Variants in ADAMTSL1 observed in about 807,000 individuals in gnomAD.
ADAMTSL1 encodes ADAMTS like 1, also known as ADAMTS-like protein 1.
A neutral mutation model predicts 201.8 loss-of-function variants in ADAMTSL1; 126 were observed. The ratio of observed to expected loss-of-function variants is 0.62; its 90% confidence interval spans 0.54 to 0.72. ADAMTSL1 has a LOEUF of 0.72. ADAMTSL1 is among the 30% of genes least tolerant of loss of function. The probability of loss-of-function intolerance (pLI) is 0.00; values close to 1 mark genes in which losing one functional copy is unlikely to be tolerated. For missense variants in ADAMTSL1, 2,679 were observed against 2,277.8 expected (o/e 1.18, Z -3.59); for synonymous variants, 1,121 against 903.4 (o/e 1.24, Z -4.32).
intron 13 of ADAMTSL1, among the ~76,000 whole-genome samples, chr9:18,691,472 C>A (rs894590064): frequency 1.3e-5 from 2 of 152,118 alleles, no homozygotes; most frequent in African/African-American, 4.8e-5. Flanking sequence ...ATGTGTACCT[C>A]AGTTATTCCT....
chr9:18,897,342 G>A (rs1829707633), intron 26 of ADAMTSL1, among the ~76,000 whole-genome samples: 1 of 152,154 alleles, frequency 6.6e-6, no homozygotes, highest in South Asian at 2.1e-4. Flanking sequence ...CCACAACACA[G>A]CACAGCTGTT....
chr9:18,347,597 G>A (rs1835781779), intron 2 of ADAMTSL1, among the ~76,000 whole-genome samples: 1 of 152,156 alleles, frequency 6.6e-6, no homozygotes, highest in African/African-American at 2.4e-5. Flanking sequence ...AATCAGCACA[G>A]CTGTCATCAT....
At chr9:18,209,088 CTG>C (rs139149470) in intron 2 of ADAMTSL1, among the ~76,000 whole-genome samples, 3 of 151,848 alleles carry the variant, frequency 2.0e-5, no homozygotes, top group Admixed American at 6.6e-5. Flanking sequence ...AGATATGTGT[CTG>C]TGTGTGTGTG....
chr9:18,033,635 A>G (rs150984517), intron 1 of ADAMTSL1, among the ~76,000 whole-genome samples: 78 of 152,308 alleles, frequency 5.1e-4, no homozygotes, highest in African/African-American at 1.3e-3. Flanking sequence ...AATGGAAACA[A>G]TCTCTCAACT....
At chr9:18,905,731 C>T in intron 26 of ADAMTSL1, 51 bp from the exon 27 acceptor site, 7 of 1,490,330 alleles carry the variant, frequency 4.7e-6, no homozygotes, top group Non-Finnish European at 6.5e-6. Context: ...ACGGCGGCCT[C>T]CACCCTTGAC....
chr9:18,572,479 T>C (rs1822395320), intron 3 of ADAMTSL1, among the ~76,000 whole-genome samples: 1 of 152,238 alleles, frequency 6.6e-6, no homozygotes, highest in Non-Finnish European at 1.5e-5. Context: ...CCTGTGTATC[T>C]GTACCTATGT....
At chr9:18,226,188 A>G (rs1830430009) in intron 2 of ADAMTSL1, among the ~76,000 whole-genome samples, 1 of 152,086 alleles carries the variant, frequency 6.6e-6, no homozygotes. Context: ...TAATTTTTTC[A>G]ATTGACAAAA....
At chr9:18,254,345 G>GTTT (rs59026505) in intron 2 of ADAMTSL1, among the ~76,000 whole-genome samples, 1,012 of 49,366 alleles carry the variant, frequency 0.02, 226 homozygotes, top group East Asian at 0.038. Flanking sequence ...ACTCTTTTTG[G>GTTT]TTTTTTTTTT....
At chr9:18,512,466 G>T (rs1241304459) in intron 2 of ADAMTSL1, among the ~76,000 whole-genome samples, 1 of 151,670 alleles carries the variant, frequency 6.6e-6, no homozygotes, top group Non-Finnish European at 1.5e-5. Flanking sequence ...TATGTGATTT[G>T]TTCAGTAGCC....
chr9:18,309,999 A>G (rs996837328), intron 2 of ADAMTSL1, among the ~76,000 whole-genome samples: 1 of 152,136 alleles, frequency 6.6e-6, no homozygotes, highest in Non-Finnish European at 1.5e-5. Context: ...GTATAGTCCA[A>G]TGGAACTGAA....
chr9:18,447,167 A>C (rs1820223130), intron 2 of ADAMTSL1, among the ~76,000 whole-genome samples: 1 of 152,154 alleles, frequency 6.6e-6, no homozygotes, highest in South Asian at 2.1e-4. Context: ...CTTCATAATG[A>C]AGCAAATATT....
intron 2 of ADAMTSL1, among the ~76,000 whole-genome samples, chr9:18,527,845 G>C (rs1819183675): frequency 1.3e-5 from 2 of 152,080 alleles, no homozygotes; most frequent in African/African-American, 4.8e-5. Flanking sequence ...AGGAATTTTT[G>C]TTGCAAATTT....
chr9:18,707,402 T>G (rs780161369), intron 14 of ADAMTSL1, among the ~76,000 whole-genome samples: 2 of 152,222 alleles, frequency 1.3e-5, no homozygotes, highest in Non-Finnish European at 1.5e-5. Flanking sequence ...CTTGCCTCAG[T>G]GCATGCAATG....
intron 2 of ADAMTSL1, among the ~76,000 whole-genome samples, chr9:18,206,199 G>A (rs1025596571): frequency 1.3e-5 from 2 of 151,890 alleles, no homozygotes; most frequent in Non-Finnish European, 2.9e-5. Context: ...GGAACTTCCA[G>A]CGAGGAAGGT....
intron 2 of ADAMTSL1, among the ~76,000 whole-genome samples, chr9:18,200,938 G>A (rs935592321): frequency 9.2e-5 from 14 of 151,892 alleles, no homozygotes; most frequent in African/African-American, 3.4e-4. Context: ...CATGTAGCTT[G>A]CATGGATTCA....
At chr9:18,213,528 G>C (rs1829956875) in intron 2 of ADAMTSL1, among the ~76,000 whole-genome samples, 2 of 152,188 alleles carry the variant, frequency 1.3e-5, no homozygotes, top group African/African-American at 2.4e-5. Flanking sequence ...AGGTATTAGT[G>C]AGCTCACACT....
chr9:18,311,996 A>C (rs1834176463), intron 2 of ADAMTSL1, among the ~76,000 whole-genome samples: 1 of 152,204 alleles, frequency 6.6e-6, no homozygotes. Flanking sequence ...TGTTCTGGGC[A>C]CTAATGATAA....
intron 2 of ADAMTSL1, among the ~76,000 whole-genome samples, chr9:18,199,272 A>G (rs1410595241): frequency 2.0e-5 from 3 of 152,246 alleles, no homozygotes; most frequent in South Asian, 2.1e-4. Flanking sequence ...TAATAAAAAA[A>G]GAAAAAAAGT....
At chr9:18,416,236 G>C (rs1818671385) in intron 2 of ADAMTSL1, among the ~76,000 whole-genome samples, 1 of 151,906 alleles carries the variant, frequency 6.6e-6, no homozygotes, top group East Asian at 1.9e-4. Flanking sequence ...TATAACGTAG[G>C]TACCTAGTTC....
Sources: allele counts gnomAD v4.1 joint callset (sites outside exome capture counted in the v4.1 genomes callset), GRCh38; gene constraint gnomAD v4.1.1; transcripts MANE v1.5; gene names NCBI Gene and HGNC (gene_info 2026-07-23, HGNC 2026-07-21).